HDAC9: variants seen among roughly 807,000 people sequenced by gnomAD.
HDAC9 encodes histone deacetylase 9, also known as MEF-2 interacting transcription repressor (MITR) protein.
In HDAC9, 41 loss-of-function variants were observed where a neutral mutation model predicts 139.4. That is an observed-to-expected ratio of 0.29 (90% CI 0.23 to 0.38). HDAC9 has a LOEUF of 0.38. Ranked by LOEUF, HDAC9 falls within the 10% of genes least tolerant of loss-of-function variation. HDAC9 has a pLI of 1.00. For synonymous variants in HDAC9, 517 were observed against 476.2 expected (o/e 1.09, Z -1.12); for missense variants, 1,147 against 1,297.0 (o/e 0.88, Z 1.78).
At chr7:18,753,317 A>G (rs1178169) in intron 14 of HDAC9, among the ~76,000 whole-genome samples, 23,392 of 152,104 alleles carry the variant, frequency 0.15, 2,167 homozygotes, top group East Asian at 0.4. Flanking sequence ...AGCTGCCTCT[A>G]TAGTCTTGAC....
At chr7:18,224,524 G>GT (rs1792919961) in intron 2 of HDAC9, among the ~76,000 whole-genome samples, 1 of 152,140 alleles carries the variant, frequency 6.6e-6, no homozygotes, top group Non-Finnish European at 1.5e-5. Context: ...AAACAGGTTT[G>GT]TTCCCTGCCC....
At chr7:18,324,599 C>T (rs1021119900) in intron 1 of HDAC9, among the ~76,000 whole-genome samples, 7 of 152,092 alleles carry the variant, frequency 4.6e-5, no homozygotes, top group African/African-American at 1.7e-4. Flanking sequence ...GTCCTCACAC[C>T]AGCACGGGCA....
At chr7:18,102,851 T>G (rs965650343) in intron 1 of HDAC9, among the ~76,000 whole-genome samples, 1 of 152,228 alleles carries the variant, frequency 6.6e-6, no homozygotes, top group Non-Finnish European at 1.5e-5. Flanking sequence ...CCTTCTCATT[T>G]GCTGGAATGT....
At chr7:18,367,142 A>G (rs1486670352) in intron 1 of HDAC9, among the ~76,000 whole-genome samples, 1 of 152,142 alleles carries the variant, frequency 6.6e-6, no homozygotes, top group African/African-American at 2.4e-5. Flanking sequence ...AAAGGCACAG[A>G]TAAGTAAATA....
chr7:18,174,373 C>T (rs555053432), intron 2 of HDAC9, among the ~76,000 whole-genome samples: 1 of 152,218 alleles, frequency 6.6e-6, no homozygotes, highest in Non-Finnish European at 1.5e-5. Context: ...TGGTTTTTAG[C>T]TTCCTTGCGA....
At chr7:18,334,255 A>G (rs1469204309) in intron 1 of HDAC9, among the ~76,000 whole-genome samples, 1 of 151,450 alleles carries the variant, frequency 6.6e-6, no homozygotes, top group Non-Finnish European at 1.5e-5. Flanking sequence ...TTATGACTTT[A>G]TAGGCAAAAG....
chr7:18,149,652 G>A (rs1054978930), intron 1 of HDAC9, among the ~76,000 whole-genome samples: 2 of 151,902 alleles, frequency 1.3e-5, no homozygotes, highest in African/African-American at 4.8e-5. Flanking sequence ...CCGGGTTCAC[G>A]CCATTCTCCC....
chr7:18,750,759 A>G (rs914536574), intron 14 of HDAC9, among the ~76,000 whole-genome samples: 1 of 152,198 alleles, frequency 6.6e-6, no homozygotes, highest in African/African-American at 2.4e-5. Flanking sequence ...AAGGAGAATT[A>G]TTTGTGGTAG....
chr7:18,626,492 C>A (rs182283848), intron 6 of HDAC9, among the ~76,000 whole-genome samples: 1 of 152,124 alleles, frequency 6.6e-6, no homozygotes, highest in Non-Finnish European at 1.5e-5. Context: ...CATGAGAAAT[C>A]GAGGTTTAAT....
chr7:18,250,846 T>G (rs1422245846), intron 2 of HDAC9, among the ~76,000 whole-genome samples: 2 of 152,166 alleles, frequency 1.3e-5, no homozygotes, highest in Admixed American at 6.5e-5. Context: ...CTCATTATGG[T>G]TTTGATTTGC....
chr7:18,472,465 C>T (rs1367047171), intron 1 of HDAC9, among the ~76,000 whole-genome samples: 7 of 152,216 alleles, frequency 4.6e-5, no homozygotes, highest in African/African-American at 1.7e-4. Context: ...TCCTTTATTG[C>T]AGTCTGCAAC....
At chr7:18,980,679 G>T (rs4721734) in intron 25 of HDAC9, among the ~76,000 whole-genome samples, 1 of 132,376 alleles carries the variant, frequency 7.6e-6, no homozygotes, top group Admixed American at 7.4e-5. Flanking sequence ...TCTTGTTCTT[G>T]TTCTTCTTGT....
intron 1 of HDAC9, among the ~76,000 whole-genome samples, chr7:18,427,338 G>T (rs1324689089): frequency 6.6e-6 from 1 of 152,080 alleles, no homozygotes; most frequent in Non-Finnish European, 1.5e-5. Context: ...ATTAGCAGGG[G>T]TAAGATGTAT....
intron 2 of HDAC9, among the ~76,000 whole-genome samples, chr7:18,204,009 G>A (rs1791317614): frequency 6.6e-6 from 1 of 152,160 alleles, no homozygotes; most frequent in Non-Finnish European, 1.5e-5. Context: ...TCCACATGGT[G>A]AATGTAAACA....
chr7:18,747,194 G>C (rs727851), intron 13 of HDAC9, among the ~76,000 whole-genome samples: 1 of 152,056 alleles, frequency 6.6e-6, no homozygotes, highest in Non-Finnish European at 1.5e-5. Flanking sequence ...AGGGGCCTAT[G>C]TATGCTGGCC....
chr7:18,592,846 A>T (rs1395727044), intron 5 of HDAC9, among the ~76,000 whole-genome samples: 1 of 152,172 alleles, frequency 6.6e-6, no homozygotes, highest in Non-Finnish European at 1.5e-5. Context: ...AAAACTACAC[A>T]CATAATTTAT....
chr7:18,179,900 G>A (rs1053611401), intron 2 of HDAC9, among the ~76,000 whole-genome samples: 9 of 152,226 alleles, frequency 5.9e-5, no homozygotes, highest in African/African-American at 2.2e-4. Flanking sequence ...ATAAATATGT[G>A]CTTTTTTCTC....
intron 2 of HDAC9, among the ~76,000 whole-genome samples, chr7:18,194,216 T>C (rs1790573026): frequency 6.6e-6 from 1 of 152,242 alleles, no homozygotes; most frequent in Non-Finnish European, 1.5e-5. Flanking sequence ...TCATTTCTAC[T>C]TGCATTCTTG....
chr7:18,531,504 GA>G (rs1307739316), intron 2 of HDAC9, among the ~76,000 whole-genome samples: 4 of 151,686 alleles, frequency 2.6e-5, no homozygotes, highest in Non-Finnish European at 5.9e-5. Flanking sequence ...ATGTACTCTT[GA>G]AAAAAACTTT....
Sources: allele counts gnomAD v4.1 joint callset (sites outside exome capture counted in the v4.1 genomes callset), GRCh38; gene constraint gnomAD v4.1.1; transcripts MANE v1.5; gene names NCBI Gene and HGNC (gene_info 2026-07-23, HGNC 2026-07-21).